Variants in BATF3 observed in about 807,000 individuals in gnomAD.
The protein encoded by BATF3 is basic leucine zipper ATF-like transcription factor 3, also known as basic leucine zipper transcriptional factor ATF-like 3.
A neutral mutation model predicts 16.1 loss-of-function variants in BATF3; 8 were observed. The ratio of observed to expected loss-of-function variants is 0.50; its 90% confidence interval spans 0.29 to 0.90. The LOEUF is 0.90. BATF3 is among the 40% of genes least tolerant of loss of function. The pLI is 0.08. For synonymous variants in BATF3, 74 were observed against 72.7 expected, an observed-to-expected ratio of 1.02 and a Z score of -0.09; for missense variants, 139 against 167.0, an observed-to-expected ratio of 0.83 and a Z score of 0.92.
intron 2 of BATF3, among the ~76,000 whole-genome samples, chr1:212,690,298 G>A (rs1199002857): frequency 3.9e-5 from 6 of 152,164 alleles, no homozygotes; most frequent in Non-Finnish European, 7.4e-5. Flanking sequence ...GAAGCCGTGC[G>A]CAGCCCTGTG....
Position 212,686,550 on chromosome 1 carries a change from G to A in BATF3, c.*241C>T. On this transcript the variant is annotated 3_prime_UTR_variant, in exon 3 of 3. Transcript: ENST00000243440. The stretch of plus-strand genomic sequence containing the variant: ...GCAGAACCTACTAGCTGCCAGGGTG[G>A]ATGAGAAGTCACTCCTGAGGGTGGC... 1 of 536,806 alleles carries A rather than the reference G, an allele frequency of 1.9e-6. No individual in the cohort carries two copies. Among genetic ancestry groups the A allele is most frequent in the South Asian group, 3.4e-5 (1 of 29,758 alleles). 33.3% of individuals were successfully genotyped at this position (536,806 alleles called of 1,614,324 possible). A position where few individuals can be genotyped will look rare whatever the true frequency, so the allele number is the denominator to read the frequency against.
chr1:212,694,518 G>A (rs76701811), intron 2 of BATF3, among the ~76,000 whole-genome samples: 2,953 of 152,254 alleles, frequency 0.019, 83 homozygotes, highest in African/African-American at 0.064. Flanking sequence ...CTCCAGATAC[G>A]TATTCAGTCC....
chr1:212,689,918 C>T lies in BATF3; in HGVS notation c.196-2939G>A, dbSNP rs1656960396. Among the ~76,000 whole-genome samples the T allele has an allele frequency of 6.6e-6, 1 of 151,250 alleles. No individual in the cohort carries two copies. The highest frequency in any genetic ancestry group is 1.5e-5 in the Non-Finnish European group (1 of 67,854). On this transcript the variant is annotated intron_variant, in intron 2 of 2. Coordinates refer to ENST00000243440, the MANE Select transcript of BATF3 (RefSeq NM_018664.3). This position sits in a 1 kb window ranked among gnomAD's most constrained non-coding sequence, Gnocchi z 4.6. ...ACACACTCTCATACCCAGCCACAGA[C>T]ACTCTCACACACATACACAATCAAC... is the stretch of plus-strand genomic sequence containing the variant.
Position 212,699,686 on chromosome 1 carries a change from TG to T in BATF3, c.76del (p.Gln26SerfsTer59). On this transcript the variant is annotated frameshift_variant, in exon 1 of 3. Transcript: ENST00000243440. LOFTEE classifies it high-confidence loss of function. The surrounding 1 kb of genome is among the most constrained non-coding windows in gnomAD (Gnocchi z 4.4). ...VAAPGNQPQP[Q>X]PQQQSPEDDD... ...CTCGCCCTCTACCTGCTGCTGCGGC[TG>T]CGGCTGCGGCTGGTTCCCGGGCGCC... 1 of 1,346,582 alleles carries T rather than the reference TG, an allele frequency of 7.4e-7. No homozygotes were observed. Among genetic ancestry groups the T allele is most frequent in the Admixed American group, 3.1e-5 (1 of 32,292 alleles). The allele number at this position is 1,346,582 out of a possible 1,614,324, so 83.4% of individuals were successfully genotyped here.
In BATF3 at chr1:212,699,640, C is replaced by A. The variant is rs1372961542; in HGVS notation, c.90+33G>T. ...CCCCGCGGCGCGCCGGTCCCCGCAC[C>A]CCACGGCCCTCCCTGAGCCTCTCGC... On this transcript the variant is annotated intron_variant, in intron 1 of 2. Coordinates refer to ENST00000243440, the MANE Select transcript of BATF3 (RefSeq NM_018664.3). This position sits in a 1 kb window ranked among gnomAD's most constrained non-coding sequence, Gnocchi z 4.4. 13 of 1,286,604 alleles carry A rather than the reference C, an allele frequency of 1.0e-5. No homozygotes were observed. In the South Asian group the frequency reaches 2.9e-4, roughly 28 times the overall value. 79.7% of individuals were successfully genotyped at this position (1,286,604 alleles called of 1,614,324 possible).
At chr1:212,696,028 C>T (rs895891159) in intron 2 of BATF3, among the ~76,000 whole-genome samples, 4 of 151,996 alleles carry the variant, frequency 2.6e-5, no homozygotes, top group Admixed American at 6.6e-5. Context: ...AACAGCTCAG[C>T]AGACACTGAA....
intron 2 of BATF3, among the ~76,000 whole-genome samples, chr1:212,694,092 G>A (rs916594419): frequency 2.6e-5 from 4 of 152,120 alleles, no homozygotes; most frequent in Admixed American, 6.5e-5. Context: ...CCAGAGTAAC[G>A]CAGCCTGAGA....
Position 212,694,187 on chromosome 1 carries a change from C to T in BATF3, c.195+2774G>A, listed in dbSNP as rs34922279. ...CTGGAAGCTGGGAAAAGCAAGAAAACGAATCTTCTCCAGAACCTCCAGAAG... is the reference window on the plus strand; with the variant it reads ...CTGGAAGCTGGGAAAAGCAAGAAAATGAATCTTCTCCAGAACCTCCAGAAG... On this transcript the variant is annotated intron_variant, in intron 2 of 2. Transcript: ENST00000243440. Among the ~76,000 whole-genome samples the T allele has an allele frequency of 7.9e-3, 1,201 of 152,306 alleles. 49 individuals carry two copies. In the East Asian group the frequency reaches 0.12, roughly 16 times the overall value.
chr1:212,689,518 C>T lies in BATF3; in HGVS notation c.196-2539G>A, dbSNP rs1321431078. Among the ~76,000 whole-genome samples the T allele has an allele frequency of 3.3e-5, 5 of 152,186 alleles. No individual in the cohort carries two copies. The East Asian group carries it at 9.6e-4, about 29-fold the overall frequency. ...CCTCCCACTCCCAAGCCTTCATGCCCTCCTTTGACCTCTGACAAGCTCTAG... is the reference window on the plus strand; with the variant it reads ...CCTCCCACTCCCAAGCCTTCATGCCTTCCTTTGACCTCTGACAAGCTCTAG... On this transcript the variant is annotated intron_variant, in intron 2 of 2. Transcript: ENST00000243440. This position sits in a 1 kb window ranked among gnomAD's most constrained non-coding sequence, Gnocchi z 4.6.
chr1:212,699,306 G>A lies in BATF3; in HGVS notation c.90+367C>T, dbSNP rs568446332. On this transcript the variant is annotated intron_variant, in intron 1 of 2. Coordinates refer to ENST00000243440, the MANE Select transcript of BATF3 (RefSeq NM_018664.3). The surrounding 1 kb of genome is among the most constrained non-coding windows in gnomAD (Gnocchi z 4.4). ...GAGGGGCTACAGGCGCGGGTGGTGG[G>A]GTGGCAGTCGCTGGCTGCGCCAGGA... Among the ~76,000 whole-genome samples, 532 of 152,278 alleles carry A rather than the reference G, an allele frequency of 3.5e-3. 8 individuals are homozygous for A. The highest frequency in any genetic ancestry group is 0.012 in the African/African-American group (507 of 41,564).
At chr1:212,693,292 G>A (rs1259194519) in intron 2 of BATF3, among the ~76,000 whole-genome samples, 1 of 152,154 alleles carries the variant, frequency 6.6e-6, no homozygotes, top group East Asian at 1.9e-4. Flanking sequence ...CAGAAGGTTT[G>A]GGATATACTT....
intron 1 of BATF3, 164 bp from the exon 2 acceptor site, chr1:212,697,229 G>C: frequency 1.7e-6 from 1 of 602,254 alleles, no homozygotes; most frequent in Non-Finnish European, 3.0e-6. Flanking sequence ...CCTTGCCCAG[G>C]AGCACTCACC....
chr1:212,688,752 G>A (rs1656923839), intron 2 of BATF3, among the ~76,000 whole-genome samples: 1 of 152,162 alleles, frequency 6.6e-6, no homozygotes, highest in South Asian at 2.1e-4. Context: ...TCTCTAGGCT[G>A]GCAATCTCAT....
Position 212,686,863 on chromosome 1 carries a change from C to T in BATF3, c.312G>A (p.Leu104=). ...GCACAAAGTTCATAGGGCAGAGCAG[C>T]AGCGGGCACATCTTCTCGTGCTCCT... is the stretch of plus-strand genomic sequence containing the variant. ...ALKEHEKMCP[L]LLCPMNFVPV... is the part of the protein sequence containing the mutation. Residue 104 remains leucine (L), a synonymous_variant, in exon 3 of 3, where the codon CTG becomes CTA. Transcript: ENST00000243440. The T allele has an allele frequency of 6.2e-7, 1 of 1,614,198 alleles. No individual in the cohort carries two copies. Among genetic ancestry groups the T allele is most frequent in the Non-Finnish European group, 8.5e-7 (1 of 1,180,028 alleles).
intron 2 of BATF3, among the ~76,000 whole-genome samples, chr1:212,687,996 AAAGGAAGGAAGGAAGG>A (rs150731119): frequency 0.071 from 7,179 of 100,958 alleles, 354 homozygotes; most frequent in Non-Finnish European, 0.11. Context: ...AGAAAGAAAG[AAAGGAAGGAAGGAAGG>A]AAGGAAGGAA....
chr1:212,691,892 T>TA (rs1237051456), intron 2 of BATF3, among the ~76,000 whole-genome samples: 1 of 152,240 alleles, frequency 6.6e-6, no homozygotes, highest in Non-Finnish European at 1.5e-5. Context: ...GGCACACGCC[T>TA]AGTGTTCAGA....
intron 2 of BATF3, among the ~76,000 whole-genome samples, chr1:212,687,278 C>G (rs1213805332): frequency 6.6e-6 from 1 of 152,134 alleles, no homozygotes; most frequent in Non-Finnish European, 1.5e-5. Context: ...TTCAATCACT[C>G]CAAAAAGTTC....
intron 2 of BATF3, among the ~76,000 whole-genome samples, chr1:212,691,351 C>T (rs1415686222): frequency 2.0e-5 from 3 of 152,184 alleles, no homozygotes; most frequent in Non-Finnish European, 4.4e-5. Context: ...GTCACATAGA[C>T]CTGGGATCTG....
chr1:212,698,701 C>T (rs1657187958), intron 1 of BATF3: 1 of 152,246 alleles, frequency 6.6e-6, no homozygotes, highest in South Asian at 2.1e-4. Flanking sequence ...GGAGCTGACT[C>T]TAAACTGGAC....
Sources: gnomAD v4.1 joint callset for allele counts (sites outside exome capture counted in the v4.1 genomes callset) on GRCh38, gnomAD v4.1.1 for gene constraint, Gnocchi (gnomAD v3.1) non-coding constraint, MANE v1.5 for transcripts, NCBI Gene and HGNC (gene_info 2026-07-23, HGNC 2026-07-21) for gene names.